OSBP2: variants seen among roughly 807,000 people sequenced by gnomAD.
OSBP2 encodes oxysterol binding protein 2.
Under a neutral mutation model 96.0 loss-of-function variants are expected in OSBP2, and 66 were observed. The observed-to-expected ratio is 0.69, with a 90% CI of 0.56 to 0.84. The LOEUF (loss-of-function observed/expected upper bound fraction) is 0.84, where lower values mean the gene tolerates loss of function less well. Ranked by LOEUF, OSBP2 falls within the 40% of genes least tolerant of loss-of-function variation. OSBP2 has a pLI of 0.00. For synonymous variants in OSBP2, 525 were observed against 520.9 expected (o/e 1.01, Z -0.11); for missense variants, 1,038 against 1,222.7 (o/e 0.85, Z 2.25).
At position 30,881,320 on chromosome 22, in the gene OSBP2, C is replaced by T. The variant is rs1056941253; in HGVS notation, c.1108-6106C>T. ...GGGACTCTGTAGGAGCCCAGGAGGG[C>T]GCCAGGAGATTACAGGCCTGTCCCA... On this transcript the variant is annotated intron_variant, in intron 3 of 13. Coordinates refer to ENST00000332585, the MANE Select transcript of OSBP2 (RefSeq NM_030758.4). The surrounding 1 kb of genome is among the most constrained non-coding windows in gnomAD (Gnocchi z 4.5). Among the ~76,000 whole-genome samples the T allele has an allele frequency of 1.1e-4, 17 of 152,170 alleles. No homozygotes were observed. The highest frequency in any genetic ancestry group is 7.2e-4 in the Admixed American group (11 of 15,286).
intron 2 of OSBP2, among the ~76,000 whole-genome samples, chr22:30,742,299 G>A (rs1256609849): frequency 6.6e-6 from 1 of 151,738 alleles, no homozygotes; most frequent in Non-Finnish European, 1.5e-5. Context: ...GGGCGTGGTG[G>A]TGCGTGCCTG....
chr22:30,737,105 T>C (rs899814286), intron 1 of OSBP2, among the ~76,000 whole-genome samples: 1 of 152,158 alleles, frequency 6.6e-6, no homozygotes, highest in African/African-American at 2.4e-5. Flanking sequence ...ACCCTCTGCC[T>C]CCTGGATTCA....
At position 30,905,402 on chromosome 22, in the gene OSBP2, A is replaced by G. The variant is rs1044451187; in HGVS notation, c.2376-435A>G. On this transcript the variant is annotated intron_variant, in intron 12 of 13. Transcript: ENST00000332585. ...CGTGATCCACCGGCCTCAGCCTCCC[A>G]AAGCGCTGGGATTACAGGCGTGAGC... 2.0e-5 allele frequency among the ~76,000 whole-genome samples: 3 copies of G among 151,698 alleles called. No individual in the cohort carries two copies. In the South Asian group the frequency reaches 6.3e-4, roughly 32 times the overall value.
chr22:30,698,462 C>T (rs886448419), intron 1 of OSBP2, among the ~76,000 whole-genome samples: 1 of 148,146 alleles, frequency 6.8e-6, no homozygotes, highest in Non-Finnish European at 1.5e-5. Context: ...TTTTTTGAGA[C>T]AGAGTCTTGC....
chr22:30,905,805 AGCCACC>A (rs201836388), intron 12 of OSBP2, 26 bp from the exon 13 acceptor site: 6 of 1,608,314 alleles, frequency 3.7e-6, no homozygotes, highest in East Asian at 2.2e-5. Context: ...CTCACACCGC[AGCCACC>A]GCCACCGCCA....
intron 2 of OSBP2, among the ~76,000 whole-genome samples, chr22:30,868,620 G>A (rs991736042): frequency 4.6e-5 from 7 of 152,212 alleles, no homozygotes; most frequent in East Asian, 1.9e-4. Flanking sequence ...AGGGGCAGGC[G>A]GTCATTTGAA....
chr22:30,894,135 C>T (rs866954036), intron 12 of OSBP2, 134 bp downstream of exon 12: 9 of 679,824 alleles, frequency 1.3e-5, no homozygotes, highest in South Asian at 9.5e-5. Flanking sequence ...ATTATGCAGC[C>T]GACATCCCAG....
At chr22:30,863,778 T>C (rs141263992) in intron 2 of OSBP2, among the ~76,000 whole-genome samples, 1 of 152,300 alleles carries the variant, frequency 6.6e-6, no homozygotes, top group Non-Finnish European at 1.5e-5. Context: ...TGCTGGTGAC[T>C]GACAGTTGGA....
chr22:30,785,344 G>A (rs1230074715), intron 2 of OSBP2, among the ~76,000 whole-genome samples: 1 of 152,070 alleles, frequency 6.6e-6, no homozygotes, highest in Non-Finnish European at 1.5e-5. Flanking sequence ...CAAGGCAAGT[G>A]GATCACCTGA....
intron 2 of OSBP2, among the ~76,000 whole-genome samples, chr22:30,834,815 T>TC (rs970848640): frequency 6.6e-6 from 1 of 151,700 alleles, no homozygotes; most frequent in Non-Finnish European, 1.5e-5. Flanking sequence ...TCTTTTCTTT[T>TC]CTTTTTTTTT....
chr22:30,834,632 C>G (rs566958459), intron 2 of OSBP2, among the ~76,000 whole-genome samples: 3 of 152,122 alleles, frequency 2.0e-5, no homozygotes, highest in Non-Finnish European at 4.4e-5. Context: ...CATGTGCTTA[C>G]TGGCCATTTG....
At chr22:30,790,305 G>T (rs563454677) in intron 2 of OSBP2, among the ~76,000 whole-genome samples, 32 of 146,718 alleles carry the variant, frequency 2.2e-4, no homozygotes, top group Non-Finnish European at 4.2e-4. Flanking sequence ...TTTTAAGGAG[G>T]GGGGGGCGGG....
At position 30,893,150 on chromosome 22, in the gene OSBP2, A is replaced by G. The variant is rs751635643; in HGVS notation, c.1898A>G (p.His633Arg). ...AGCCACCACCCCCCCTCAGCTGCGCACTACGTGTTCTCCAAGCATGGCTGG... is the reference window on the plus strand; with the variant it reads ...AGCCACCACCCCCCCTCAGCTGCGCGCTACGTGTTCTCCAAGCATGGCTGG... Reference protein sequence around the residue: ...QVSHHPPSAAHYVFSKHGWSL... With the variant: ...QVSHHPPSAARYVFSKHGWSL... Residue 633 changes from histidine to arginine, a missense_variant, in exon 9 of 14, where the codon CAC (histidine) becomes CGC (arginine). By Grantham distance (29) the His-to-Arg change is conservative. This residue lies in a region of OSBP2 where 737 missense variants were observed against 913.3 expected (regional missense o/e 0.81). Coordinates refer to ENST00000332585, the MANE Select transcript of OSBP2 (RefSeq NM_030758.4). 9.3e-6 allele frequency: 15 copies of G among 1,613,984 alleles called. No individual in the cohort carries two copies. The highest frequency in any genetic ancestry group is 1.3e-5 in the African/African-American group (1 of 74,942).
intron 1 of OSBP2, among the ~76,000 whole-genome samples, chr22:30,731,269 G>A (rs779987023): frequency 5.3e-5 from 8 of 152,236 alleles, no homozygotes; most frequent in Non-Finnish European, 1.0e-4. Flanking sequence ...GCAGAGGAGA[G>A]ATCAAAGTGA....
chr22:30,738,951 T>C (rs543988231), intron 1 of OSBP2, among the ~76,000 whole-genome samples: 4 of 152,218 alleles, frequency 2.6e-5, no homozygotes, highest in East Asian at 1.9e-4. Context: ...CCAGGGAAAA[T>C]AAATGAGCAT....
At chr22:30,694,319 C>A (rs1569084522), upstream of OSBP2, 4 of 1,548,230 alleles carry the variant, frequency 2.6e-6, no homozygotes, top group East Asian at 7.3e-5. Context: ...CCGCTTCTGG[C>A]GGCCGCAGGA....
intron 2 of OSBP2, among the ~76,000 whole-genome samples, chr22:30,786,016 G>A (rs1023577064): frequency 7.2e-6 from 1 of 138,752 alleles, no homozygotes; most frequent in Non-Finnish European, 1.5e-5. Flanking sequence ...GACTAATACA[G>A]TTTGTGTGTG....
At chr22:30,802,930 C>G (rs796162020) in intron 2 of OSBP2, among the ~76,000 whole-genome samples, 6 of 152,288 alleles carry the variant, frequency 3.9e-5, no homozygotes, top group African/African-American at 1.4e-4. Flanking sequence ...GGGCTGGACG[C>G]TGTCCGCGGT....
chr22:30,888,932 T>A (rs1321387272), intron 5 of OSBP2, among the ~76,000 whole-genome samples: 1 of 152,162 alleles, frequency 6.6e-6, no homozygotes, highest in Non-Finnish European at 1.5e-5. Context: ...GGTTAAGGAT[T>A]TGTGTATCTA....
Sources: allele counts gnomAD v4.1 joint callset (sites outside exome capture counted in the v4.1 genomes callset), GRCh38; gene constraint gnomAD v4.1.1; regional missense constraint gnomAD v4.1.1; non-coding constraint Gnocchi (gnomAD v3.1); transcripts MANE v1.5; gene names NCBI Gene and HGNC (gene_info 2026-07-23, HGNC 2026-07-21).